RBFOX1: variants seen among roughly 807,000 people sequenced by gnomAD.
The protein encoded by RBFOX1 is RNA binding fox-1 homolog 1, also known as RNA binding protein fox-1 homolog 1.
In RBFOX1, 8 loss-of-function variants were observed where a neutral mutation model predicts 57.7. That is an observed-to-expected ratio of 0.14 (90% CI 0.08 to 0.25). RBFOX1 has a LOEUF of 0.25. RBFOX1 is among the 10% of genes least tolerant of loss of function. RBFOX1 has a pLI of 1.00. For synonymous variants in RBFOX1, 326 were observed against 222.4 expected, an observed-to-expected ratio of 1.47 and a Z score of -4.15; for missense variants, 611 against 548.5, an observed-to-expected ratio of 1.11 and a Z score of -1.14.
chr16:5,277,455 A>C (rs183227352), intron 1 of RBFOX1, among the ~76,000 whole-genome samples: 1 of 108,378 alleles, frequency 9.2e-6, no homozygotes, highest in East Asian at 2.4e-4. Context: ...GAAATAAAAA[A>C]AAGAAATATA....
At chr16:7,482,525 C>T (rs1221541027) in intron 4 of RBFOX1, among the ~76,000 whole-genome samples, 1 of 146,838 alleles carries the variant, frequency 6.8e-6, no homozygotes, top group East Asian at 2.0e-4. Context: ...CATGCATCTT[C>T]CCTTTGATTG....
chr16:5,976,065 A>T (rs1348249489), intron 4 of RBFOX1, among the ~76,000 whole-genome samples: 1 of 151,986 alleles, frequency 6.6e-6, no homozygotes, highest in Admixed American at 6.6e-5. Flanking sequence ...AATTGCTTGA[A>T]CCTGGGAGGC....
chr16:5,519,727 A>G (rs2043938358), intron 2 of RBFOX1, among the ~76,000 whole-genome samples: 1 of 151,982 alleles, frequency 6.6e-6, no homozygotes, highest in South Asian at 2.1e-4. Flanking sequence ...GGTGTCTCAG[A>G]AAAAAATGGC....
At chr16:7,193,542 C>T (rs556374370) in intron 4 of RBFOX1, among the ~76,000 whole-genome samples, 1 of 152,216 alleles carries the variant, frequency 6.6e-6, no homozygotes, top group African/African-American at 2.4e-5. Context: ...CTTTTATGGT[C>T]CTTACACGTG....
intron 1 of RBFOX1, among the ~76,000 whole-genome samples, chr16:6,145,998 G>A (rs117987572): frequency 6.6e-6 from 1 of 152,312 alleles, no homozygotes; most frequent in East Asian, 1.9e-4. Context: ...TATTTGCAAG[G>A]TAGCAGTGTG....
chr16:5,856,935 T>A (rs2151879056), intron 3 of RBFOX1, among the ~76,000 whole-genome samples: 1 of 152,282 alleles, frequency 6.6e-6, no homozygotes, highest in Admixed American at 6.5e-5. Flanking sequence ...AATTTAAATT[T>A]CTTTCAGTAA....
intron 1 of RBFOX1, among the ~76,000 whole-genome samples, chr16:6,277,901 C>G (rs948742296): frequency 6.6e-6 from 1 of 152,098 alleles, no homozygotes; most frequent in African/African-American, 2.4e-5. Flanking sequence ...TGAAGAAATA[C>G]GGTTACCCTC....
chr16:6,761,086 C>G (rs911140299), intron 3 of RBFOX1, among the ~76,000 whole-genome samples: 1 of 152,116 alleles, frequency 6.6e-6, no homozygotes, highest in Non-Finnish European at 1.5e-5. Context: ...TAGTAGGGGG[C>G]TATCATTAAA....
intron 2 of RBFOX1, among the ~76,000 whole-genome samples, chr16:6,419,521 C>G (rs1323774656): frequency 1.3e-5 from 2 of 152,120 alleles, no homozygotes; most frequent in Non-Finnish European, 1.5e-5. Flanking sequence ...ACATTTCTAC[C>G]AAATTTCCGG....
At chr16:7,093,571 C>A (rs901158968) in intron 4 of RBFOX1, among the ~76,000 whole-genome samples, 2 of 152,158 alleles carry the variant, frequency 1.3e-5, no homozygotes, top group African/African-American at 4.8e-5. Flanking sequence ...CCCTCATGAA[C>A]ATCTCAAACT....
intron 5 of RBFOX1, among the ~76,000 whole-genome samples, chr16:7,561,889 C>G (rs548870638): frequency 7.2e-5 from 11 of 152,046 alleles, no homozygotes; most frequent in Non-Finnish European, 8.8e-5. Context: ...GGGGGGAAAT[C>G]TTTGAGCTAA....
intron 1 of RBFOX1, among the ~76,000 whole-genome samples, chr16:5,339,470 G>GTTTCTTTTTTTTTTTTT (rs2064982581): frequency 2.4e-5 from 1 of 40,854 alleles, no homozygotes; most frequent in Non-Finnish European, 4.5e-5. Flanking sequence ...CTTTTTCCGT[G>GTTTCTTTTTTTTTTTTT]TTTTTTTTTT....
intron 4 of RBFOX1, among the ~76,000 whole-genome samples, chr16:5,937,855 A>G (rs527342123): frequency 6.6e-6 from 1 of 151,326 alleles, no homozygotes; most frequent in Non-Finnish European, 1.5e-5. Flanking sequence ...GGTTATATGT[A>G]CATATATACA....
intron 2 of RBFOX1, among the ~76,000 whole-genome samples, chr16:5,594,527 C>A (rs920803056): frequency 6.6e-6 from 1 of 152,142 alleles, no homozygotes; most frequent in Admixed American, 6.5e-5. Context: ...ACATTGGTTT[C>A]TTCATCTGGA....
At chr16:6,854,731 A>G (rs1307037466) in intron 3 of RBFOX1, among the ~76,000 whole-genome samples, 1 of 151,424 alleles carries the variant, frequency 6.6e-6, no homozygotes, top group Non-Finnish European at 1.5e-5. Flanking sequence ...AGTAGCTGGA[A>G]CTACAGGCGC....
chr16:6,450,357 G>C (rs553758404), intron 2 of RBFOX1, among the ~76,000 whole-genome samples: 14 of 152,220 alleles, frequency 9.2e-5, no homozygotes, highest in African/African-American at 2.4e-4. Context: ...TATCCTGCTT[G>C]TTACATGATA....
chr16:5,614,426 C>G (rs1340203620), intron 3 of RBFOX1, among the ~76,000 whole-genome samples: 1 of 152,108 alleles, frequency 6.6e-6, no homozygotes, highest in African/African-American at 2.4e-5. Flanking sequence ...AATTTCAGTT[C>G]ACTGGCACAG....
At chr16:6,584,612 A>G (rs918252808) in intron 2 of RBFOX1, among the ~76,000 whole-genome samples, 3 of 151,660 alleles carry the variant, frequency 2.0e-5, no homozygotes, top group Non-Finnish European at 4.4e-5. Flanking sequence ...CAAATGATCC[A>G]CCTGCCTTGG....
At chr16:7,425,878 G>A (rs117347826) in intron 4 of RBFOX1, among the ~76,000 whole-genome samples, 79 of 152,268 alleles carry the variant, frequency 5.2e-4, no homozygotes, top group Non-Finnish European at 1.0e-3. Context: ...TATACAAACA[G>A]TGATAAACGA....
Sources: gnomAD v4.1 joint callset for allele counts (sites outside exome capture counted in the v4.1 genomes callset) on GRCh38, gnomAD v4.1.1 for gene constraint, MANE v1.5 for transcripts, NCBI Gene and HGNC (gene_info 2026-07-23, HGNC 2026-07-21) for gene names.